Variants in SPATA1 observed in about 807,000 individuals in gnomAD.
The protein encoded by SPATA1 is spermatogenesis-associated protein 1.
In SPATA1, 57 loss-of-function variants were observed where a neutral mutation model predicts 59.6. The observed-to-expected ratio is 0.96, with a 90% CI of 0.77 to 1.19. The LOEUF (loss-of-function observed/expected upper bound fraction) is 1.19, where lower values mean the gene tolerates loss of function less well. SPATA1 is among the 50% of genes most tolerant of loss of function. The pLI, the probability that SPATA1 is intolerant of heterozygous loss-of-function variation, is 0.00. For synonymous variants in SPATA1, 147 were observed against 163.9 expected, an observed-to-expected ratio of 0.90 and a Z score of 0.79; for missense variants, 448 against 480.7, an observed-to-expected ratio of 0.93 and a Z score of 0.64.
intron 1 of SPATA1, 52 bp from the exon 2 acceptor site, chr1:84,516,171 G>T: frequency 2.0e-6 from 1 of 505,022 alleles, no homozygotes; most frequent in Non-Finnish European, 3.5e-6. Context: ...GTTTTCATTT[G>T]TAGTTTATTT....
intron 8 of SPATA1, among the ~76,000 whole-genome samples, chr1:84,539,372 C>A (rs1374357208): frequency 1.3e-5 from 2 of 152,190 alleles, no homozygotes; most frequent in Admixed American, 1.3e-4. Flanking sequence ...AAATGTCTAT[C>A]TATAACTTAA....
intron 10 of SPATA1, 26 bp from the exon 11 acceptor site, chr1:84,548,750 CTTTTTTTTTT>C (rs56250726): frequency 2.3e-5 from 21 of 908,864 alleles, no homozygotes; most frequent in East Asian, 8.5e-5. Flanking sequence ...AAGGCCTTTC[CTTTTTTTTTT>C]TTTTTTTTTT....
intron 3 of SPATA1, 92 bp from the exon 4 acceptor site, chr1:84,522,298 G>C (rs1048546981): frequency 3.9e-5 from 25 of 640,356 alleles, no homozygotes; most frequent in Non-Finnish European, 5.6e-5. Flanking sequence ...ATCAACCTTT[G>C]TGTTTGAGAT....
chr1:84,542,596 G>A (rs1683950338), intron 8 of SPATA1, among the ~76,000 whole-genome samples: 1 of 151,850 alleles, frequency 6.6e-6, no homozygotes, highest in African/African-American at 2.4e-5. Context: ...GTACAGTGCT[G>A]ACACATAGTC....
At chr1:84,518,691 T>C (rs1441143052) in intron 2 of SPATA1, among the ~76,000 whole-genome samples, 1 of 151,892 alleles carries the variant, frequency 6.6e-6, no homozygotes, top group Non-Finnish European at 1.5e-5. Context: ...ACTGGCATGC[T>C]CTCACCTTAA....
intron 8 of SPATA1, among the ~76,000 whole-genome samples, chr1:84,536,712 G>A (rs1436408321): frequency 6.6e-6 from 1 of 152,028 alleles, no homozygotes; most frequent in African/African-American, 2.4e-5. Flanking sequence ...CCAAAGTGCT[G>A]GGATTACAGG....
chr1:84,563,280 G>C, intron 4 of SPATA1: 1 of 1,565,860 alleles, frequency 6.4e-7, no homozygotes, highest in Non-Finnish European at 8.6e-7. Context: ...TAAGGAGCCC[G>C]CTGATCTTTA....
chr1:84,531,547 G>A (rs1174920031), intron 6 of SPATA1, among the ~76,000 whole-genome samples: 1 of 150,374 alleles, frequency 6.7e-6, no homozygotes, highest in East Asian at 2.0e-4. Flanking sequence ...ATGGGCTCCA[G>A]GTTGCACAAT....
chr1:84,559,942 C>T lies in SPATA1; in HGVS notation n.442+3963C>T, dbSNP rs936466333. Among the ~76,000 whole-genome samples, 13 of 151,584 alleles carry T rather than the reference C, an allele frequency of 8.6e-5. 1 individual carries two copies. The highest frequency in any genetic ancestry group is 3.4e-3 in the Middle Eastern group (1 of 290). ...TCTACTAAAAATATAAAAATTAGCCCGGCATAGTGGCGGGCACCTGTAATC... is the reference window on the plus strand; with the variant it reads ...TCTACTAAAAATATAAAAATTAGCCTGGCATAGTGGCGGGCACCTGTAATC... On this transcript the variant is annotated intron_variant and non_coding_transcript_variant, in intron 4 of 4. Transcript: ENST00000460286.
intron 4 of SPATA1, among the ~76,000 whole-genome samples, chr1:84,524,261 T>A (rs1445629273): frequency 2.6e-5 from 4 of 152,052 alleles, no homozygotes; most frequent in Non-Finnish European, 5.9e-5. Context: ...AACTCAGAAA[T>A]AATAAATGGT....
At chr1:84,532,077 G>A (rs2101969593) in intron 6 of SPATA1, among the ~76,000 whole-genome samples, 1 of 152,290 alleles carries the variant, frequency 6.6e-6, no homozygotes, top group South Asian at 2.1e-4. Flanking sequence ...AATGAAGGGA[G>A]ATTTTATCAA....
At chr1:84,510,461 T>A (rs1304279210) in intron 1 of SPATA1, among the ~76,000 whole-genome samples, 1 of 152,174 alleles carries the variant, frequency 6.6e-6, no homozygotes, top group Non-Finnish European at 1.5e-5. Context: ...CAATGAGATA[T>A]CATCTCTCCC....
At chr1:84,559,589 T>G (rs1159238534) in intron 4 of SPATA1, among the ~76,000 whole-genome samples, 1 of 152,058 alleles carries the variant, frequency 6.6e-6, no homozygotes, top group Non-Finnish European at 1.5e-5. Flanking sequence ...GCCACTGCAC[T>G]CCAGCCTGGG....
intron 1 of SPATA1, chr1:84,507,435 C>A (rs1042808046): frequency 6.6e-6 from 1 of 152,130 alleles, no homozygotes; most frequent in African/African-American, 2.4e-5. Flanking sequence ...CTGCTACTTA[C>A]GGTATTCTTG....
intron 1 of SPATA1, among the ~76,000 whole-genome samples, chr1:84,509,483 T>G (rs116375209): frequency 0.011 from 1,707 of 152,162 alleles, 39 homozygotes; most frequent in African/African-American, 0.038. Flanking sequence ...AACATTGGAG[T>G]TGGGGCATGG....
intron 4 of SPATA1, among the ~76,000 whole-genome samples, chr1:84,561,376 G>A (rs1684591086): frequency 6.6e-6 from 1 of 152,192 alleles, no homozygotes; most frequent in African/African-American, 2.4e-5. Context: ...GATAAAATTT[G>A]AATAGATGAG....
chr1:84,527,029 C>T (rs934182152), intron 6 of SPATA1, among the ~76,000 whole-genome samples: 3 of 151,884 alleles, frequency 2.0e-5, no homozygotes, highest in African/African-American at 4.8e-5. Flanking sequence ...GAGCATCTAA[C>T]GGGTGTCAAG....
At chr1:84,560,071 AAG>A (rs1369238204) in intron 4 of SPATA1, among the ~76,000 whole-genome samples, 2 of 138,284 alleles carry the variant, frequency 1.4e-5, no homozygotes, top group Admixed American at 7.6e-5. Context: ...GCGACAGAGC[AAG>A]ACTCTGTCTC....
At chr1:84,550,243 C>T (rs1684231197) in intron 11 of SPATA1, 189 bp from the exon 12 acceptor site, 2 of 359,322 alleles carry the variant, frequency 5.6e-6, no homozygotes, top group Non-Finnish European at 1.0e-5. Flanking sequence ...GAAAGTGTTC[C>T]CTAAAATGCA....
Sources: allele counts gnomAD v4.1 joint callset (sites outside exome capture counted in the v4.1 genomes callset), GRCh38; gene constraint gnomAD v4.1.1; transcripts MANE v1.5; gene names NCBI Gene and HGNC (gene_info 2026-07-23, HGNC 2026-07-21).